CNKSR3: variants seen among roughly 807,000 people sequenced by gnomAD.
CNKSR3 encodes connector enhancer of kinase suppressor of ras 3.
CNKSR3 carries 36 observed loss-of-function variants against 67.7 expected under a neutral mutation model. The ratio of observed to expected loss-of-function variants is 0.53; its 90% CI spans 0.41 to 0.70. CNKSR3 has a LOEUF of 0.70. Ranked by LOEUF, CNKSR3 falls within the 30% of genes least tolerant of loss-of-function variation. CNKSR3 has a pLI of 0.00. For synonymous variants in CNKSR3, 281 were observed against 271.4 expected, an observed-to-expected ratio of 1.04 and a Z score of -0.35; for missense variants, 630 against 695.2, an observed-to-expected ratio of 0.91 and a Z score of 1.05.
At chr6:154,491,124 G>A (rs1169682034) in intron 1 of CNKSR3, among the ~76,000 whole-genome samples, 1 of 152,102 alleles carries the variant, frequency 6.6e-6, no homozygotes, top group Non-Finnish European at 1.5e-5. Context: ...TGGGATTACA[G>A]GCGTGAGCCA....
At chr6:154,437,947 A>T (rs1785505624) in intron 4 of CNKSR3, among the ~76,000 whole-genome samples, 1 of 152,060 alleles carries the variant, frequency 6.6e-6, no homozygotes, top group Non-Finnish European at 1.5e-5. Context: ...GTACAAGGCA[A>T]GATTTTTGTA....
intron 10 of CNKSR3, 39 bp downstream of exon 10, chr6:154,414,260 C>T (rs1784967176): frequency 6.5e-7 from 1 of 1,535,558 alleles, no homozygotes; most frequent in African/African-American, 1.4e-5. Context: ...ATGACACCAA[C>T]AGGAGACAAG....
At chr6:154,495,980 T>C (rs147888635) in intron 1 of CNKSR3, among the ~76,000 whole-genome samples, 19 of 152,238 alleles carry the variant, frequency 1.2e-4, no homozygotes, top group Admixed American at 4.6e-4. Context: ...TATTATCTAG[T>C]GAATTCAGAA....
chr6:154,468,059 CT>C (rs554569457), intron 1 of CNKSR3, among the ~76,000 whole-genome samples: 22,457 of 126,478 alleles, frequency 0.18, 2,182 homozygotes, highest in African/African-American at 0.29. Context: ...CACGCCTAGG[CT>C]TTTTTTTTTT....
intron 1 of CNKSR3, among the ~76,000 whole-genome samples, chr6:154,456,626 G>A (rs993803508): frequency 6.5e-5 from 9 of 137,652 alleles, no homozygotes; most frequent in Non-Finnish European, 9.2e-5. Flanking sequence ...AGAATCAGTT[G>A]AACCTGGGAG....
At chr6:154,417,335 G>A (rs1261476838) in intron 9 of CNKSR3, among the ~76,000 whole-genome samples, 2 of 152,184 alleles carry the variant, frequency 1.3e-5, no homozygotes, top group Admixed American at 6.5e-5. Context: ...GGCAGAGCTG[G>A]GATCTGAACT....
intron 1 of CNKSR3, among the ~76,000 whole-genome samples, chr6:154,504,681 T>G (rs1787062371): frequency 6.7e-6 from 1 of 148,760 alleles, no homozygotes; most frequent in Non-Finnish European, 1.5e-5. Flanking sequence ...GGCTGGAAAT[T>G]ATTCAAACAC....
intron 1 of CNKSR3, among the ~76,000 whole-genome samples, chr6:154,491,884 A>T (rs761787802): frequency 1.3e-5 from 2 of 152,234 alleles, no homozygotes; most frequent in African/African-American, 2.4e-5. Flanking sequence ...TACAGATTTT[A>T]AAGGAATTAA....
intron 4 of CNKSR3, among the ~76,000 whole-genome samples, chr6:154,437,111 A>C (rs1785486757): frequency 1.3e-5 from 2 of 152,156 alleles, no homozygotes; most frequent in African/African-American, 4.8e-5. Flanking sequence ...CCAAGAATAA[A>C]GGCTCAGACA....
chr6:154,462,904 G>A (rs1039505843), intron 1 of CNKSR3, among the ~76,000 whole-genome samples: 1 of 152,080 alleles, frequency 6.6e-6, no homozygotes, highest in Non-Finnish European at 1.5e-5. Context: ...TTACCATTTC[G>A]CCACCTGCAC....
At chr6:154,415,377 C>T (rs563807967) in intron 9 of CNKSR3, among the ~76,000 whole-genome samples, 6 of 151,696 alleles carry the variant, frequency 4.0e-5, no homozygotes, top group Admixed American at 6.6e-5. Context: ...ATTACAGGTG[C>T]GTGCCACCAC....
chr6:154,471,066 C>A (rs1367652416), intron 1 of CNKSR3, among the ~76,000 whole-genome samples: 1 of 152,130 alleles, frequency 6.6e-6, no homozygotes, highest in Non-Finnish European at 1.5e-5. Flanking sequence ...AAATACCAGA[C>A]AGTGGAAGAA....
intron 1 of CNKSR3, among the ~76,000 whole-genome samples, chr6:154,497,213 C>T (rs1417090905): frequency 6.6e-6 from 1 of 150,536 alleles, no homozygotes; most frequent in South Asian, 2.1e-4. Context: ...AATGAGACCT[C>T]GTTTCTACTA....
chr6:154,390,588 C>T lies in CNKSR3; in HGVS notation c.*15766G>A, dbSNP rs888972909. On this transcript the variant is annotated 3_prime_UTR_variant, in exon 13 of 13. Transcript: ENST00000607772. ...TCCAGAGAAGTTTCACTGAGTGGGA[C>T]ACAATTGCCTAGTGCCCCGTTGTGT... The T allele has an allele frequency of 2.0e-5, 3 of 152,128 alleles. No individual in the cohort carries two copies. Among genetic ancestry groups the T allele is most frequent in the Non-Finnish European group, 4.4e-5 (3 of 68,042 alleles). The allele number at this position is 152,128 out of a possible 1,614,324, so 9.4% of individuals were successfully genotyped here.
chr6:154,441,755 AC>A (rs1375048043), intron 3 of CNKSR3, among the ~76,000 whole-genome samples: 449 of 150,678 alleles, frequency 3.0e-3, no homozygotes, highest in African/African-American at 9.2e-3. Flanking sequence ...ACAAAACAAA[AC>A]AAAAATTGAC....
At chr6:154,503,143 C>T (rs1197476519) in intron 1 of CNKSR3, among the ~76,000 whole-genome samples, 1 of 152,098 alleles carries the variant, frequency 6.6e-6, no homozygotes, top group South Asian at 2.1e-4. Context: ...AAAATCTCCA[C>T]CAAAAGTCAG....
At chr6:154,481,688 AT>A (rs1786571017) in intron 1 of CNKSR3, among the ~76,000 whole-genome samples, 1 of 152,222 alleles carries the variant, frequency 6.6e-6, no homozygotes, top group African/African-American at 2.4e-5. Flanking sequence ...AGGAGACCTG[AT>A]GACCAGGTTC....
In CNKSR3 at chr6:154,510,192, G is replaced by A; in HGVS notation, c.-78C>T. The A allele has an allele frequency of 4.5e-6, 7 of 1,558,906 alleles. No individual in the cohort carries two copies. The highest frequency in any genetic ancestry group is 4.5e-5 in the East Asian group (2 of 44,520). On this transcript the variant is annotated 5_prime_UTR_variant, in exon 1 of 13. Coordinates refer to ENST00000607772, the MANE Select transcript of CNKSR3 (RefSeq NM_173515.4). Reference sequence around the variant, plus strand: ...TGCCTGCGCTCCGGTGCCCCTTCCCGGGAGGGCGCGCCCGCGGCTGCTCCC... The same window carrying A: ...TGCCTGCGCTCCGGTGCCCCTTCCCAGGAGGGCGCGCCCGCGGCTGCTCCC...
At chr6:154,423,774 A>G (rs537737235) in intron 7 of CNKSR3, among the ~76,000 whole-genome samples, 37 of 152,378 alleles carry the variant, frequency 2.4e-4, no homozygotes, top group Non-Finnish European at 5.0e-4. Context: ...GTTAAAATAG[A>G]AAGTTGGTGG....
Sources: allele counts gnomAD v4.1 joint callset (sites outside exome capture counted in the v4.1 genomes callset), GRCh38; gene constraint gnomAD v4.1.1; transcripts MANE v1.5; gene names NCBI Gene and HGNC (gene_info 2026-07-23, HGNC 2026-07-21).